PHF24: variants seen among roughly 807,000 people sequenced by gnomAD.
PHF24 encodes the protein PHD finger protein 24.
In PHF24, 25 loss-of-function variants were observed where a neutral mutation model predicts 42.6. The ratio of observed to expected loss-of-function variants is 0.59; its 90% CI spans 0.43 to 0.82. PHF24 has a LOEUF of 0.82. Ranked by LOEUF, PHF24 falls within the 40% of genes least tolerant of loss-of-function variation. The probability of loss-of-function intolerance (pLI) is 0.00; values close to 1 mark genes in which losing one functional copy is unlikely to be tolerated. For missense variants in PHF24, 470 were observed against 538.1 expected, an observed-to-expected ratio of 0.87 and a Z score of 1.25; for synonymous variants, 185 against 204.8, an observed-to-expected ratio of 0.90 and a Z score of 0.83.
At chr9:34,777,762 G>T in the PHF24 span, among the ~76,000 whole-genome samples, 1 of 152,216 alleles carries the variant, frequency 6.6e-6, no homozygotes, top group South Asian at 2.1e-4. Context: ...ACCCAGCGCT[G>T]CTGAGCTCCA....
the PHF24 span, among the ~76,000 whole-genome samples, chr9:34,711,598 A>G: frequency 6.8e-6 from 1 of 146,938 alleles, no homozygotes; most frequent in African/African-American, 2.5e-5. Context: ...GCTGGAGTGC[A>G]GTGGCGTGAT....
the PHF24 span, among the ~76,000 whole-genome samples, chr9:34,813,629 T>C: frequency 1.3e-5 from 2 of 152,208 alleles, no homozygotes; most frequent in African/African-American, 4.8e-5. Context: ...GAGGTTACTC[T>C]CAGTATCTAA....
chr9:34,665,795 G>A, the PHF24 span: 4 of 638,140 alleles, frequency 6.3e-6, no homozygotes, highest in Non-Finnish European at 1.1e-5. Context: ...CCCCCGAGAA[G>A]CCTCAGTTGC....
At chr9:34,906,978 C>G in the PHF24 span, among the ~76,000 whole-genome samples, 4 of 152,112 alleles carry the variant, frequency 2.6e-5, no homozygotes, top group Admixed American at 1.3e-4. Flanking sequence ...TGAGCACCAC[C>G]CCACCCCTCT....
the PHF24 span, among the ~76,000 whole-genome samples, chr9:34,886,402 C>G: frequency 9.2e-5 from 14 of 152,182 alleles, no homozygotes; most frequent in African/African-American, 3.4e-4. Context: ...CACATCGGTT[C>G]CTCCACCTGA....
At chr9:34,724,725 C>A in the PHF24 span, 9 of 1,551,468 alleles carry the variant, frequency 5.8e-6, no homozygotes, top group Admixed American at 1.8e-4. Flanking sequence ...GGGCATGGCC[C>A]AAGACTTATA....
At chr9:34,852,337 G>T in the PHF24 span, among the ~76,000 whole-genome samples, 3 of 152,100 alleles carry the variant, frequency 2.0e-5, no homozygotes, top group Non-Finnish European at 2.9e-5. Context: ...TCAACTGCAT[G>T]GGGGGGTCAG....
chr9:34,725,583 G>T, the PHF24 span: 1 of 1,464,178 alleles, frequency 6.8e-7, no homozygotes, highest in Admixed American at 2.0e-5. Context: ...CAGGGCTCAT[G>T]CTGCATGAGG....
chr9:34,911,756 C>G, the PHF24 span, among the ~76,000 whole-genome samples: 1 of 151,710 alleles, frequency 6.6e-6, no homozygotes. Flanking sequence ...CAAGTTGCAG[C>G]CTATCTCCCC....
At chr9:34,936,277 G>A in the PHF24 span, among the ~76,000 whole-genome samples, 1 of 152,198 alleles carries the variant, frequency 6.6e-6, no homozygotes, top group Non-Finnish European at 1.5e-5. Context: ...CGCTGTGTTC[G>A]CCGGGCTGGT....
the PHF24 span, among the ~76,000 whole-genome samples, chr9:34,710,405 G>C: frequency 2.0e-5 from 3 of 150,716 alleles, no homozygotes; most frequent in Non-Finnish European, 4.4e-5. Flanking sequence ...TCCTCACTAC[G>C]CTCCAGGATC....
At chr9:34,955,226 C>T (rs1373571934), upstream of PHF24, among the ~76,000 whole-genome samples, 1 of 151,214 alleles carries the variant, frequency 6.6e-6, no homozygotes, top group African/African-American at 2.4e-5. Context: ...CCGTATTTGT[C>T]AATCTTATAA....
chr9:34,757,096 C>T, the PHF24 span, among the ~76,000 whole-genome samples: 1 of 151,798 alleles, frequency 6.6e-6, no homozygotes, highest in South Asian at 2.1e-4. Flanking sequence ...GCAGAGACAG[C>T]GTTTCACCAT....
the PHF24 span, among the ~76,000 whole-genome samples, chr9:34,939,831 G>A: frequency 2.0e-5 from 3 of 152,152 alleles, no homozygotes; most frequent in African/African-American, 7.2e-5. Context: ...GGCCAGGTTA[G>A]TGGAACATCA....
At chr9:34,956,050 G>A (rs1018341831), upstream of PHF24, among the ~76,000 whole-genome samples, 1 of 152,110 alleles carries the variant, frequency 6.6e-6, no homozygotes, top group Non-Finnish European at 1.5e-5. Context: ...CCTTCATAAA[G>A]TAATCTGTCT....
At chr9:34,939,833 G>A in the PHF24 span, among the ~76,000 whole-genome samples, 2 of 152,070 alleles carry the variant, frequency 1.3e-5, no homozygotes, top group Non-Finnish European at 2.9e-5. Flanking sequence ...CCAGGTTAGT[G>A]GAACATCACT....
chr9:34,970,820 G>T (rs543773401), intron 1 of PHF24, among the ~76,000 whole-genome samples: 1 of 152,212 alleles, frequency 6.6e-6, no homozygotes, highest in Non-Finnish European at 1.5e-5. Context: ...TTTCATGCAC[G>T]TAGAGTGCTT....
chr9:34,977,425 G>A, intron 6 of PHF24, 121 bp from the exon 7 acceptor site: 1 of 1,230,322 alleles, frequency 8.1e-7, no homozygotes. Context: ...CTTCAACTCG[G>A]TGTTGCCACA....
the PHF24 span, among the ~76,000 whole-genome samples, chr9:34,898,622 A>G: frequency 1.6e-4 from 24 of 152,218 alleles, no homozygotes; most frequent in African/African-American, 5.5e-4. Context: ...AAATCAATTA[A>G]AAGGCAGCTT....
Sources: gnomAD v4.1 joint callset for allele counts (sites outside exome capture counted in the v4.1 genomes callset) on GRCh38, gnomAD v4.1.1 for gene constraint, MANE v1.5 for transcripts, NCBI Gene and HGNC (gene_info 2026-07-23, HGNC 2026-07-21) for gene names.